The following CADPS2 variants were observed in gnomAD, a reference collection of about 807,000 sequenced individuals.
The protein encoded by CADPS2 is calcium dependent secretion activator 2.
CADPS2 carries 93 observed loss-of-function variants against 172.5 expected under a neutral mutation model. The ratio of observed to expected loss-of-function variants is 0.54; its 90% confidence interval spans 0.46 to 0.64. CADPS2 has a LOEUF of 0.64. Among genes scored for constraint, CADPS2 ranks in the 30% least tolerant of loss-of-function variants. The pLI, the probability that CADPS2 is intolerant of heterozygous loss-of-function variation, is 0.00. For synonymous variants in CADPS2, 546 were observed against 555.2 expected, an observed-to-expected ratio of 0.98 and a Z score of 0.23; for missense variants, 1,420 against 1,565.9, an observed-to-expected ratio of 0.91 and a Z score of 1.57.
At chr7:122,881,048 T>C (rs1320241789) in intron 1 of CADPS2, among the ~76,000 whole-genome samples, 2 of 152,184 alleles carry the variant, frequency 1.3e-5, no homozygotes, top group African/African-American at 2.4e-5. Context: ...TCTACCTCAC[T>C]AGCAAATGAT....
chr7:122,541,270 C>T lies in CADPS2; in HGVS notation c.1475+13280G>A, dbSNP rs1310522769. Among the ~76,000 whole-genome samples, 3 of 142,616 alleles carry T rather than the reference C, an allele frequency of 2.1e-5. No homozygotes were observed. The East Asian group carries it at 6.3e-4, about 30-fold the overall frequency. The allele number at this position is 142,616 out of a possible 152,430, so 93.6% of individuals were successfully genotyped here. A position where few individuals can be genotyped will look rare whatever the true frequency, so the allele number is the denominator to read the frequency against. ...GGAGTGCAATGGTGTGATCTCGGCT[C>T]ACTGCAACCTCCACCTCCTGGATTC... On this transcript the variant is annotated intron_variant, in intron 8 of 29. Coordinates refer to ENST00000449022, the MANE Select transcript of CADPS2 (RefSeq NM_017954.11).
intron 1 of CADPS2, among the ~76,000 whole-genome samples, chr7:122,828,105 T>C (rs181432370): frequency 1.2e-4 from 18 of 152,310 alleles, no homozygotes; most frequent in East Asian, 1.2e-3. Flanking sequence ...TACATATCCA[T>C]TTAGGATCAT....
intron 6 of CADPS2, among the ~76,000 whole-genome samples, chr7:122,602,223 A>G (rs908134031): frequency 6.6e-6 from 1 of 151,922 alleles, no homozygotes; most frequent in Non-Finnish European, 1.5e-5. Flanking sequence ...TTTTTTTCAT[A>G]TGGGAATTAC....
At chr7:122,541,816 CATAT>C (rs2063072406) in intron 8 of CADPS2, among the ~76,000 whole-genome samples, 2 of 74,046 alleles carry the variant, frequency 2.7e-5, no homozygotes, top group Admixed American at 3.0e-4. Flanking sequence ...TTTATATATT[CATAT>C]GTTTATATAT....
rs187340167 is a variant in CADPS2 at position 122,631,005 on chromosome 7, A to G, written c.787-1677T>C. Among the ~76,000 whole-genome samples the G allele has an allele frequency of 2.0e-3, 299 of 152,278 alleles. 1 individual carries two copies. The highest frequency in any genetic ancestry group is 6.8e-3 in the African/African-American group (284 of 41,580). The stretch of plus-strand genomic sequence containing the variant: ...GTTTCTCTTCACTGTGTCTAAAATC[A>G]AAATGATTAAAATTAAAAACTAACG... On this transcript the variant is annotated intron_variant, in intron 3 of 29. Transcript: ENST00000449022.
At chr7:122,630,692 C>T (rs1000449081) in intron 3 of CADPS2, among the ~76,000 whole-genome samples, 5 of 152,010 alleles carry the variant, frequency 3.3e-5, no homozygotes, top group African/African-American at 7.2e-5. Context: ...GTCAGAAAGA[C>T]GGAAGTCTTA....
intron 8 of CADPS2, among the ~76,000 whole-genome samples, chr7:122,538,185 A>T (rs533057289): frequency 3.7e-4 from 56 of 151,690 alleles, no homozygotes; most frequent in African/African-American, 1.3e-3. Flanking sequence ...AGAGAATGCA[A>T]AAAAATTACT....
intron 2 of CADPS2, among the ~76,000 whole-genome samples, chr7:122,684,026 A>G (rs1250541028): frequency 2.6e-5 from 4 of 152,266 alleles, no homozygotes; most frequent in East Asian, 1.9e-4. Context: ...AAATAAGTGG[A>G]TAATTGTCTT....
intron 3 of CADPS2, among the ~76,000 whole-genome samples, chr7:122,653,371 C>A (rs1051670963): frequency 6.6e-6 from 1 of 152,144 alleles, no homozygotes; most frequent in Non-Finnish European, 1.5e-5. Context: ...ACACCTGAGC[C>A]AGGTTCCAGC....
intron 6 of CADPS2, among the ~76,000 whole-genome samples, chr7:122,596,912 G>A (rs963965238): frequency 2.0e-5 from 3 of 152,056 alleles, no homozygotes; most frequent in Non-Finnish European, 4.4e-5. Context: ...GAGCTGGCTG[G>A]AAGACTGGGT....
chr7:122,717,312 G>C (rs925285984), intron 2 of CADPS2, among the ~76,000 whole-genome samples: 1 of 151,982 alleles, frequency 6.6e-6, no homozygotes, highest in African/African-American at 2.4e-5. Flanking sequence ...TGAGTAGTCT[G>C]GCAACTTCAA....
intron 17 of CADPS2, among the ~76,000 whole-genome samples, chr7:122,423,027 A>C (rs2048718968): frequency 6.6e-6 from 1 of 152,200 alleles, no homozygotes; most frequent in Non-Finnish European, 1.5e-5. Flanking sequence ...TTAGCTAGCC[A>C]GGGAATTTCT....
chr7:122,571,056 G>C (rs1335522896), intron 7 of CADPS2, among the ~76,000 whole-genome samples: 1 of 151,836 alleles, frequency 6.6e-6, no homozygotes, highest in African/African-American at 2.4e-5. Context: ...ATTTAAAAAA[G>C]AGAATAACAG....
chr7:122,817,966 G>T (rs553994346), intron 1 of CADPS2, among the ~76,000 whole-genome samples: 2 of 126,188 alleles, frequency 1.6e-5, no homozygotes, highest in African/African-American at 6.3e-5. Flanking sequence ...CTTTATTTCC[G>T]TGCCCTGACC....
At chr7:122,592,032 C>T (rs1049976401) in intron 6 of CADPS2, among the ~76,000 whole-genome samples, 72 of 152,158 alleles carry the variant, frequency 4.7e-4, no homozygotes, top group African/African-American at 1.7e-3. Flanking sequence ...AAAGAAACTA[C>T]CATCAGAGTG....
At chr7:122,474,603 G>A in intron 12 of CADPS2, 86 bp from the exon 13 acceptor site, 1 of 1,239,704 alleles carries the variant, frequency 8.1e-7, no homozygotes, top group Non-Finnish European at 1.1e-6. Flanking sequence ...CAAAATGCGT[G>A]ACTCAAGCAG....
intron 28 of CADPS2, among the ~76,000 whole-genome samples, chr7:122,325,886 A>C (rs1233118702): frequency 6.6e-6 from 1 of 152,016 alleles, no homozygotes; most frequent in Admixed American, 6.6e-5. Flanking sequence ...GTAATTTGTA[A>C]ATAACAAAGG....
At chr7:122,569,963 C>T (rs9690329) in intron 7 of CADPS2, among the ~76,000 whole-genome samples, 84,655 of 141,230 alleles carry the variant, frequency 0.6, 25,951 homozygotes, top group African/African-American at 0.72. Flanking sequence ...ATTCAGGACA[C>T]AGGCGTGGGC....
At chr7:122,326,260 A>T (rs2033842958) in intron 28 of CADPS2, among the ~76,000 whole-genome samples, 1 of 152,070 alleles carries the variant, frequency 6.6e-6, no homozygotes, top group South Asian at 2.1e-4. Context: ...CAAATTATGA[A>T]TGAAAAGGAT....
Sources: gnomAD v4.1 joint callset for allele counts (sites outside exome capture counted in the v4.1 genomes callset) on GRCh38, gnomAD v4.1.1 for gene constraint, MANE v1.5 for transcripts, NCBI Gene and HGNC (gene_info 2026-07-23, HGNC 2026-07-21) for gene names.